PDE3B: variants seen among roughly 807,000 people sequenced by gnomAD.
PDE3B encodes phosphodiesterase 3B, also known as cGMP-inhibited 3',5'-cyclic phosphodiesterase 3B.
A neutral mutation model predicts 116.8 loss-of-function variants in PDE3B; 66 were observed. That is an observed-to-expected ratio of 0.56 (90% CI 0.46 to 0.69). PDE3B has a LOEUF of 0.69. Among genes scored for constraint, PDE3B ranks in the 30% least tolerant of loss-of-function variants. PDE3B has a pLI of 0.00. For missense variants in PDE3B, 1,384 were observed against 1,368.1 expected (o/e 1.01, Z -0.18); for synonymous variants, 595 against 533.6 (o/e 1.12, Z -1.59).
chr11:14,853,935 A>G (rs1320472268), intron 12 of PDE3B, among the ~76,000 whole-genome samples: 1 of 152,224 alleles, frequency 6.6e-6, no homozygotes, highest in African/African-American at 2.4e-5. Flanking sequence ...AGATTTTTAA[A>G]TGTTTTGTCT....
At chr11:14,647,894 C>G (rs987089761) in intron 1 of PDE3B, among the ~76,000 whole-genome samples, 9 of 147,598 alleles carry the variant, frequency 6.1e-5, no homozygotes, top group African/African-American at 2.2e-4. Flanking sequence ...GATTTAAATG[C>G]TATATATGTA....
At chr11:14,646,409 A>G (rs1853409182) in intron 1 of PDE3B, among the ~76,000 whole-genome samples, 1 of 152,200 alleles carries the variant, frequency 6.6e-6, no homozygotes. Flanking sequence ...CAACCACTTG[A>G]AAAAGTTCTG....
chr11:14,797,164 G>C (rs938558255), intron 4 of PDE3B, among the ~76,000 whole-genome samples: 15 of 152,210 alleles, frequency 9.9e-5, no homozygotes, highest in African/African-American at 2.7e-4. Flanking sequence ...TCAAAGATCA[G>C]ATGGTTGTAG....
At chr11:14,866,672 C>G (rs1171949341) in intron 14 of PDE3B, among the ~76,000 whole-genome samples, 1 of 152,162 alleles carries the variant, frequency 6.6e-6, no homozygotes, top group Non-Finnish European at 1.5e-5. Context: ...AACAGACACT[C>G]CTTACCTGCA....
chr11:14,855,860 G>A (rs1185405363), intron 12 of PDE3B, among the ~76,000 whole-genome samples: 1 of 152,202 alleles, frequency 6.6e-6, no homozygotes, highest in Non-Finnish European at 1.5e-5. Flanking sequence ...GAGATTCTCA[G>A]ATATGCAGTG....
At chr11:14,798,828 C>T (rs1395234347) in intron 4 of PDE3B, among the ~76,000 whole-genome samples, 1 of 151,846 alleles carries the variant, frequency 6.6e-6, no homozygotes, top group Non-Finnish European at 1.5e-5. Context: ...TCTTATTCTT[C>T]CTTATTAGCC....
chr11:14,860,226 A>C (rs532618043), intron 13 of PDE3B, among the ~76,000 whole-genome samples: 1 of 152,294 alleles, frequency 6.6e-6, no homozygotes, highest in Admixed American at 6.5e-5. Flanking sequence ...ATTATCTAAT[A>C]CAATACTTTG....
chr11:14,726,259 A>G (rs1856302869), intron 1 of PDE3B, among the ~76,000 whole-genome samples: 1 of 151,842 alleles, frequency 6.6e-6, no homozygotes, highest in Non-Finnish European at 1.5e-5. Flanking sequence ...ATTTTTCTTC[A>G]TTTCACTTAT....
the PDE3B span, chr11:14,880,736 C>G: frequency 6.2e-7 from 1 of 1,607,130 alleles, no homozygotes. Context: ...CTGTGATCAA[C>G]CCATCCTCGG....
chr11:14,774,963 T>C (rs896268083), intron 2 of PDE3B: 1 of 152,232 alleles, frequency 6.6e-6, no homozygotes, highest in African/African-American at 2.4e-5. Context: ...ACTCAGGTCT[T>C]TGCACTTGCT....
In PDE3B at chr11:14,869,629, A is replaced by G; in HGVS notation, c.3308A>G (p.Gln1103Arg). Residue 1103 changes from glutamine (Q) to arginine (R), a missense_variant, in exon 16 of 16, where the codon CAG becomes CGG. This residue lies in a region of PDE3B where 428 missense variants were observed against 561.4 expected (regional missense o/e 0.76). Coordinates refer to ENST00000282096, the MANE Select transcript of PDE3B (RefSeq NM_000922.4). ...NSSLPQADEIQVIEEADEEE is the reference protein window; with the variant it reads ...NSSLPQADEIRVIEEADEEE ...TCCTTACCTCAAGCAGATGAGATTC[A>G]GGTAATTGAAGAGGCAGATGAAGAG... 1 of 1,613,876 alleles carries G rather than the reference A, an allele frequency of 6.2e-7. No individual in the cohort carries two copies. The highest frequency in any genetic ancestry group is 2.2e-5 in the East Asian group (1 of 44,860).
chr11:14,832,940 T>C, intron 10 of PDE3B, 107 bp downstream of exon 10: 1 of 572,128 alleles, frequency 1.7e-6, no homozygotes, highest in Non-Finnish European at 3.1e-6. Context: ...AAACTGCTTG[T>C]TTGAAATTTT....
chr11:14,694,306 A>G (rs920287408), intron 1 of PDE3B, among the ~76,000 whole-genome samples: 1 of 152,208 alleles, frequency 6.6e-6, no homozygotes, highest in Non-Finnish European at 1.5e-5. Context: ...TTTTAAAAGA[A>G]GTTCTAGTAT....
intron 11 of PDE3B, among the ~76,000 whole-genome samples, chr11:14,842,406 A>AT (rs1422943550): frequency 6.6e-6 from 1 of 152,192 alleles, no homozygotes; most frequent in Non-Finnish European, 1.5e-5. Context: ...GCCATGTTTG[A>AT]TTTTTAAAAT....
chr11:14,889,971 T>C, the PDE3B span, among the ~76,000 whole-genome samples: 1 of 151,438 alleles, frequency 6.6e-6, no homozygotes, highest in South Asian at 2.1e-4. Flanking sequence ...TACTAAAAAT[T>C]ACAAAAAATT....
At chr11:14,872,683 T>C (rs989887684), downstream of PDE3B, among the ~76,000 whole-genome samples, 1 of 152,178 alleles carries the variant, frequency 6.6e-6, no homozygotes, top group African/African-American at 2.4e-5. Context: ...ATGTGGGGGA[T>C]TGGTTCTAGG....
At position 14,804,032 on chromosome 11, in the gene PDE3B, G is replaced by A. The variant is rs1858846735; in HGVS notation, c.1504G>A (p.Val502Ile). Reference protein sequence around the residue: ...RSSSVSLTHHVGLRRAGVLSS... With the variant: ...RSSSVSLTHHIGLRRAGVLSS... ...ATCTTCTGTATCACTGACTCACCATGTAGGTCTCAGAAGAGCTGGTAAGAA... is the reference window on the plus strand; with the variant it reads ...ATCTTCTGTATCACTGACTCACCATATAGGTCTCAGAAGAGCTGGTAAGAA... The change falls in exon 5 of 16, where the codon GTA becomes ATA. Residue 502 changes from valine to isoleucine, a missense_variant. Transcript: ENST00000282096. The A allele has an allele frequency of 3.8e-6, 6 of 1,598,682 alleles. No individual in the cohort carries two copies. The highest frequency in any genetic ancestry group is 2.7e-5 in the African/African-American group (2 of 74,618).
chr11:14,702,030 TC>T (rs1438366609), intron 1 of PDE3B, among the ~76,000 whole-genome samples: 11 of 151,754 alleles, frequency 7.2e-5, no homozygotes. Context: ...TTTGATTCTT[TC>T]TGGGCTTCCT....
At chr11:14,658,420 T>G (rs923938030) in intron 1 of PDE3B, among the ~76,000 whole-genome samples, 1 of 152,118 alleles carries the variant, frequency 6.6e-6, no homozygotes, top group Non-Finnish European at 1.5e-5. Flanking sequence ...GCAATGGCAC[T>G]ATCTCGGCTC....
Sources: gnomAD v4.1 joint callset for allele counts (sites outside exome capture counted in the v4.1 genomes callset) on GRCh38, gnomAD v4.1.1 for gene constraint, gnomAD v4.1.1 regional missense constraint, MANE v1.5 for transcripts, NCBI Gene and HGNC (gene_info 2026-07-23, HGNC 2026-07-21) for gene names.